Variants in MAGOH observed in about 807,000 individuals in gnomAD.
MAGOH encodes the protein mago homolog, exon junction complex subunit, also known as protein mago nashi homolog.
A neutral mutation model predicts 20.9 loss-of-function variants in MAGOH; 3 were observed. The observed-to-expected ratio is 0.14, with a 90% confidence interval of 0.07 to 0.37. The LOEUF is 0.37. Ranked by LOEUF, MAGOH falls within the 10% of genes least tolerant of loss-of-function variation. MAGOH has a pLI of 1.00. For synonymous variants in MAGOH, 51 were observed against 61.0 expected, an observed-to-expected ratio of 0.84 and a Z score of 0.76; for missense variants, 66 against 178.1, an observed-to-expected ratio of 0.37 and a Z score of 3.58.
In MAGOH at chr1:53,227,032, A is replaced by G. The variant is rs367804756; in HGVS notation, c.*13T>C. The G allele has an allele frequency of 5.3e-5, 67 of 1,269,312 alleles. No individual in the cohort carries two copies. The highest frequency in any genetic ancestry group is 1.3e-4 in the Admixed American group (6 of 45,400). 78.6% of individuals were successfully genotyped at this position (1,269,312 alleles called of 1,614,324 possible). A position where few individuals can be genotyped will look rare whatever the true frequency, so the allele number is the denominator to read the frequency against. ...ACTCCCACCCACCCCCCATGTCCAC[A>G]CCAATATTCAGTCTAGATTGGTTTA... On this transcript the variant is annotated 3_prime_UTR_variant, in exon 5 of 5. Transcript: ENST00000371470.
chr1:53,235,381 T>C (rs1645606017), intron 2 of MAGOH, among the ~76,000 whole-genome samples, 196 bp downstream of exon 2: 1 of 152,148 alleles, frequency 6.6e-6, no homozygotes, highest in African/African-American at 2.4e-5. Context: ...AGGTTACCAG[T>C]AATTGATTCC....
chr1:53,227,293 GA>G (rs1183803195), intron 4 of MAGOH, 149 bp from the exon 5 acceptor site: 5 of 468,002 alleles, frequency 1.1e-5, no homozygotes, highest in African/African-American at 2.0e-5. Flanking sequence ...TACATTAAGT[GA>G]AAAAATATAA....
intron 3 of MAGOH, among the ~76,000 whole-genome samples, chr1:53,232,835 T>A (rs1645592755): frequency 6.6e-6 from 1 of 152,216 alleles, no homozygotes; most frequent in East Asian, 1.9e-4. Flanking sequence ...ATGCGGCGGC[T>A]TACGCCTGTA....
chr1:53,234,166 T>C (rs1437445823), intron 2 of MAGOH, among the ~76,000 whole-genome samples: 2 of 152,168 alleles, frequency 1.3e-5, no homozygotes, highest in East Asian at 1.9e-4. Flanking sequence ...ACAGCATTCA[T>C]TCCTTCTGGA....
intron 4 of MAGOH, among the ~76,000 whole-genome samples, chr1:53,227,494 ACAATGAG>A (rs1645566139): frequency 6.6e-6 from 1 of 152,160 alleles, no homozygotes; most frequent in Non-Finnish European, 1.5e-5. Context: ...TGTATTTTCT[ACAATGAG>A]CATGTATTAC....
chr1:53,231,009 A>G (rs1225628869), intron 3 of MAGOH, among the ~76,000 whole-genome samples: 1 of 152,214 alleles, frequency 6.6e-6, no homozygotes, highest in African/African-American at 2.4e-5. Context: ...AGTATTTTAA[A>G]TGCTGCCAGA....
At position 53,234,371 on chromosome 1, in the gene MAGOH, TTC is replaced by T. The variant is rs1248736693; in HGVS notation, c.148-721_148-720del. ...CTGCGACACCCACATGCCCTGGTTA[TTC>T]TTTTTTTTTTTTTTTTTTGAAACGG... On this transcript the variant is annotated intron_variant, in intron 2 of 4. Coordinates refer to ENST00000371470, the MANE Select transcript of MAGOH (RefSeq NM_002370.4). Among the ~76,000 whole-genome samples, 524 of 141,218 alleles carry T rather than the reference TTC, an allele frequency of 3.7e-3. 4 individuals are homozygous for T. Among genetic ancestry groups the T allele is most frequent in the African/African-American group, 0.013 (501 of 39,564 alleles). The allele number at this position is 141,218 out of a possible 152,430, so 92.6% of individuals were successfully genotyped here. A position where few individuals can be genotyped will look rare whatever the true frequency, so the allele number is the denominator to read the frequency against.
intron 3 of MAGOH, among the ~76,000 whole-genome samples, chr1:53,232,964 G>A (rs753097615): frequency 1.1e-4 from 17 of 152,278 alleles, no homozygotes; most frequent in South Asian, 2.1e-4. Context: ...AGCTGGGCAT[G>A]GTGGAGGACG....
chr1:53,232,074 G>A (rs1405385671), intron 3 of MAGOH, among the ~76,000 whole-genome samples: 1 of 152,048 alleles, frequency 6.6e-6, no homozygotes, highest in African/African-American at 2.4e-5. Context: ...CCTCTTTACA[G>A]AATTGTTGTG....
At chr1:53,235,905 T>C (rs1412762664) in intron 1 of MAGOH, among the ~76,000 whole-genome samples, 1 of 152,238 alleles carries the variant, frequency 6.6e-6, no homozygotes, top group Non-Finnish European at 1.5e-5. Context: ...TTTCTGACTT[T>C]GTCAAATCAC....
chr1:53,229,365 A>AT (rs929411883), intron 3 of MAGOH, among the ~76,000 whole-genome samples: 18 of 151,592 alleles, frequency 1.2e-4, no homozygotes, highest in African/African-American at 2.4e-4. Flanking sequence ...CGCCCGGCTA[A>AT]TTTTTTTTGT....
intron 1 of MAGOH, among the ~76,000 whole-genome samples, chr1:53,235,863 G>C (rs185411086): frequency 1.3e-5 from 2 of 152,326 alleles, no homozygotes; most frequent in Admixed American, 1.3e-4. Flanking sequence ...GCAAAAAGCA[G>C]CTCAGGTGGG....
At chr1:53,229,110 G>C (rs565368669) in intron 3 of MAGOH, among the ~76,000 whole-genome samples, 156 bp from the exon 4 acceptor site, 1 of 151,846 alleles carries the variant, frequency 6.6e-6, no homozygotes, top group East Asian at 1.9e-4. Context: ...CTGGGCACTA[G>C]AAACAAGAGA....
At chr1:53,234,377 T>C (rs1327562557) in intron 2 of MAGOH, among the ~76,000 whole-genome samples, 2 of 148,754 alleles carry the variant, frequency 1.3e-5, no homozygotes, top group East Asian at 3.9e-4. Context: ...GTTATTCTTT[T>C]TTTTTTTTTT....
At chr1:53,237,394 G>C (rs912002348) in intron 1 of MAGOH, among the ~76,000 whole-genome samples, 5 of 151,268 alleles carry the variant, frequency 3.3e-5, no homozygotes, top group African/African-American at 1.2e-4. Context: ...TCCAAGCCCG[G>C]CCGGGCGCGG....
At chr1:53,233,402 A>G (rs1265785505) in intron 3 of MAGOH, 140 bp downstream of exon 3, 2 of 574,376 alleles carry the variant, frequency 3.5e-6, no homozygotes, top group South Asian at 2.6e-5. Context: ...ATTATGTTCT[A>G]TTTCTCTTTG....
intron 3 of MAGOH, among the ~76,000 whole-genome samples, chr1:53,229,314 TCAGCTTCCTGAGTGGCTGGGACTA>T (rs1346468800): frequency 2.6e-5 from 4 of 152,058 alleles, no homozygotes; most frequent in Non-Finnish European, 4.4e-5. Flanking sequence ...TTCTCCTGCC[TCAGCTTCCTGAGTGGCTGGGACTA>T]CAGGTGCCCG....
rs764706892 is a variant in MAGOH at position 53,235,641 on chromosome 1, G to C, written c.89-6C>G. The C allele has an allele frequency of 2.9e-5, 47 of 1,611,602 alleles. No homozygotes were observed. The South Asian group carries it at 5.1e-4, about 17-fold the overall frequency. Reference sequence around the variant, plus strand: ...GTTGGCATATCTTAACTTCCCTGTGGGGGCAAAAAACAATTTCAACGTATA... The same window carrying C: ...GTTGGCATATCTTAACTTCCCTGTGCGGGCAAAAAACAATTTCAACGTATA... On this transcript the variant is annotated splice_polypyrimidine_tract_variant and splice_region_variant and intron_variant, in intron 1 of 4. Coordinates refer to ENST00000371470, the MANE Select transcript of MAGOH (RefSeq NM_002370.4).
At chr1:53,228,397 A>T (rs1645570609) in intron 4 of MAGOH, among the ~76,000 whole-genome samples, 2 of 152,126 alleles carry the variant, frequency 1.3e-5, no homozygotes, top group African/African-American at 4.8e-5. Flanking sequence ...GCGCCACTGC[A>T]CTCCAGTCCG....
Sources: allele counts gnomAD v4.1 joint callset (sites outside exome capture counted in the v4.1 genomes callset), GRCh38; gene constraint gnomAD v4.1.1; transcripts MANE v1.5; gene names NCBI Gene and HGNC (gene_info 2026-07-23, HGNC 2026-07-21).